MACF1: variants seen among roughly 807,000 people sequenced by gnomAD.
MACF1 encodes the protein microtubule actin crosslinking factor 1, also known as microtubule-actin cross-linking factor 1.
A neutral mutation model predicts 854.8 loss-of-function variants in MACF1; 193 were observed. The observed-to-expected ratio is 0.23, with a 90% confidence interval of 0.20 to 0.25. The LOEUF is 0.25. MACF1 is among the 10% of genes least tolerant of loss of function. MACF1 has a pLI of 1.00. For missense variants in MACF1, 7,722 were observed against 8,929.1 expected (o/e 0.86, Z 5.45); for synonymous variants, 3,185 against 3,226.7 (o/e 0.99, Z 0.44).
chr1:39,269,498 C>A, intron 6 of MACF1: 1 of 1,289,780 alleles, frequency 7.8e-7, no homozygotes, highest in Non-Finnish European at 1.0e-6. Context: ...GTCAAGTGCC[C>A]CCCCAGGATT....
intron 1 of MACF1, among the ~76,000 whole-genome samples, chr1:39,225,555 C>A (rs1353416955): frequency 6.6e-6 from 1 of 152,148 alleles, no homozygotes; most frequent in Non-Finnish European, 1.5e-5. Context: ...AATTCAGTAA[C>A]CCCCAAGTAA....
At chr1:39,478,835 C>T (rs1644960311) in intron 97 of MACF1, among the ~76,000 whole-genome samples, 1 of 152,052 alleles carries the variant, frequency 6.6e-6, no homozygotes, top group Non-Finnish European at 1.5e-5. Flanking sequence ...TCCAGCAGTC[C>T]CATTTGTTTA....
chr1:39,285,445 C>A, intron 13 of MACF1, 55 bp downstream of exon 13: 2 of 1,587,326 alleles, frequency 1.3e-6, no homozygotes, highest in South Asian at 2.2e-5. Context: ...CTGCTTCTCA[C>A]CCTCTGCTCT....
Position 39,443,853 on chromosome 1 carries a change from A to G in MACF1, c.19431+279A>G, listed in dbSNP as rs1318316099. Among the ~76,000 whole-genome samples, 4 of 152,336 alleles carry G rather than the reference A, an allele frequency of 2.6e-5. No homozygotes were observed. The East Asian group carries it at 7.7e-4, about 29-fold the overall frequency. On this transcript the variant is annotated intron_variant, in intron 79 of 100. Coordinates refer to ENST00000564288, the MANE Select transcript of MACF1 (RefSeq NM_001394062.1). ...AGATGACAGCATCAAGAAGACAAAT[A>G]TACAACACAGATGTGCTTTCACTTA...
intron 1 of MACF1, among the ~76,000 whole-genome samples, chr1:39,226,106 C>G (rs1644712961): frequency 6.6e-6 from 1 of 152,246 alleles, no homozygotes. Flanking sequence ...CTATAAAACC[C>G]TTTTCTGAGG....
chr1:39,217,851 C>G (rs1432071696), intron 1 of MACF1, among the ~76,000 whole-genome samples: 1 of 148,884 alleles, frequency 6.7e-6, no homozygotes, highest in Admixed American at 6.7e-5. Context: ...GGGATCCACT[C>G]CAGCCTGGGT....
At chr1:39,220,542 G>A (rs549645633) in intron 1 of MACF1, among the ~76,000 whole-genome samples, 1 of 146,012 alleles carries the variant, frequency 6.8e-6, no homozygotes, top group Non-Finnish European at 1.5e-5. Context: ...GAGTGCAGTG[G>A]CGCAATCTCA....
At chr1:39,151,348 C>T (rs949716143) in intron 2 of MACF1, among the ~76,000 whole-genome samples, 23 of 152,080 alleles carry the variant, frequency 1.5e-4, no homozygotes, top group Non-Finnish European at 1.5e-5. Context: ...AATTGGTTTC[C>T]TCCCTTCCTT....
At chr1:39,280,983 A>G (rs1645532758) in intron 6 of MACF1, among the ~76,000 whole-genome samples, 1 of 152,218 alleles carries the variant, frequency 6.6e-6, no homozygotes, top group South Asian at 2.1e-4. Flanking sequence ...GAGATAAGGG[A>G]ACCCTTATTT....
At position 39,335,868 on chromosome 1, in the gene MACF1, G is replaced by A. The variant is rs150210782; in HGVS notation, c.9280G>A (p.Ala3094Thr). The part of the protein sequence containing the change: ...KPEENLSREI[A>T]CGAQSEPFPC... ...AGAAGAAAACTTATCTCGAGAAATT[G>A]CCTGTGGGGCCCAGAGTGAACCATT... The change falls in exon 37 of 101, where the codon GCC becomes ACC. Residue 3094 changes from alanine to threonine, a missense_variant. This residue lies in a region of MACF1 where 854 missense variants were observed against 852.6 expected (regional missense o/e 1.00). Transcript: ENST00000564288. 750 of 1,613,936 alleles carry A rather than the reference G, an allele frequency of 4.6e-4. No homozygotes were observed. Among genetic ancestry groups the A allele is most frequent in the Non-Finnish European group, 6.0e-4 (711 of 1,180,008 alleles).
chr1:39,458,850 C>T (rs1644494292), intron 90 of MACF1: 2 of 520,446 alleles, frequency 3.8e-6, no homozygotes, highest in Non-Finnish European at 6.7e-6. Flanking sequence ...GTCATCAGCT[C>T]ACTAAGGTAG....
chr1:39,320,856 GCTC>G (rs1187587235), intron 31 of MACF1, among the ~76,000 whole-genome samples: 2 of 152,142 alleles, frequency 1.3e-5, no homozygotes. Flanking sequence ...TGTAGTCCCA[GCTC>G]CTCAAGAGGC....
intron 71 of MACF1, among the ~76,000 whole-genome samples, chr1:39,438,798 A>G (rs1644037019): frequency 6.8e-6 from 1 of 148,024 alleles, no homozygotes; most frequent in Non-Finnish European, 1.5e-5. Flanking sequence ...GAAATAAATA[A>G]TAGGCCGGGT....
chr1:39,335,550 A>G lies in MACF1; in HGVS notation c.8962A>G (p.Thr2988Ala). 1 of 1,614,224 alleles carries G rather than the reference A, an allele frequency of 6.2e-7. No homozygotes were observed. The highest frequency in any genetic ancestry group is 8.5e-7 in the Non-Finnish European group (1 of 1,180,022). ...REVIVEESIR[T>A]CKPAFLSEEK... ...GGTGATTGTAGAAGAAAGTATCAGA[A>G]CATGCAAACCAGCATTTCTTTCTGA... The change falls in exon 37 of 101, where the codon ACA becomes GCA. Residue 2988 changes from threonine (T) to alanine (A), a missense_variant. Physicochemically the swap from Thr to Ala is moderately conservative, Grantham distance 58. Coordinates refer to ENST00000564288, the MANE Select transcript of MACF1 (RefSeq NM_001394062.1).
chr1:39,152,101 A>G (rs896643964), intron 2 of MACF1, among the ~76,000 whole-genome samples: 1 of 152,026 alleles, frequency 6.6e-6, no homozygotes, highest in South Asian at 2.1e-4. Context: ...CAGCCTCCCA[A>G]GTAGCTGGGA....
intron 2 of MACF1, among the ~76,000 whole-genome samples, chr1:39,188,654 A>T (rs1644208683): frequency 6.6e-6 from 1 of 152,148 alleles, no homozygotes; most frequent in Non-Finnish European, 1.5e-5. Flanking sequence ...ATTGAGACGG[A>T]GTCTCACCCT....
chr1:39,415,883 G>A (rs1041611186), intron 58 of MACF1, among the ~76,000 whole-genome samples: 2 of 152,108 alleles, frequency 1.3e-5, no homozygotes, highest in African/African-American at 2.4e-5. Context: ...ATTTTACTGC[G>A]CCCCTAGGAC....
At chr1:39,239,386 C>G (rs1219228237) in intron 2 of MACF1, among the ~76,000 whole-genome samples, 2 of 152,220 alleles carry the variant, frequency 1.3e-5, no homozygotes, top group African/African-American at 2.4e-5. Flanking sequence ...TCCCTGATAA[C>G]CTTTTGGGAA....
intron 2 of MACF1, among the ~76,000 whole-genome samples, chr1:39,087,663 ACT>A (rs1641706597): frequency 6.6e-6 from 1 of 152,102 alleles, no homozygotes. Flanking sequence ...TTTCAAAATA[ACT>A]CTGTTAGGCA....
Sources: allele counts gnomAD v4.1 joint callset (sites outside exome capture counted in the v4.1 genomes callset), GRCh38; gene constraint gnomAD v4.1.1; regional missense constraint gnomAD v4.1.1; transcripts MANE v1.5; gene names NCBI Gene and HGNC (gene_info 2026-07-23, HGNC 2026-07-21).